The following REXO5 variants were observed in gnomAD, a reference collection of about 807,000 sequenced individuals.
The protein encoded by REXO5 is RNA exonuclease 5.
A neutral mutation model predicts 88.5 loss-of-function variants in REXO5; 48 were observed. The ratio of observed to expected loss-of-function variants is 0.54; its 90% CI spans 0.43 to 0.69. REXO5 has a LOEUF of 0.69. Among genes scored for constraint, REXO5 ranks in the 30% least tolerant of loss-of-function variants. The probability of loss-of-function intolerance (pLI) is 0.00; values close to 1 mark genes in which losing one functional copy is unlikely to be tolerated. For missense variants in REXO5, 749 were observed against 912.2 expected, an observed-to-expected ratio of 0.82 and a Z score of 2.30; for synonymous variants, 311 against 336.5, an observed-to-expected ratio of 0.92 and a Z score of 0.83.
In REXO5 at chr16:20,827,335, A is replaced by T. The variant is rs373623505; in HGVS notation, c.961-18A>T. 1 of 1,607,926 alleles carries T rather than the reference A, an allele frequency of 6.2e-7. No individual in the cohort carries two copies. The highest frequency in any genetic ancestry group is 1.3e-5 in the African/African-American group (1 of 74,698). ...TTTAGCATAAGACACTACTCATTTTATTCTCTTTCTTCCTCAGATGATACA... is the reference window on the plus strand; with the variant it reads ...TTTAGCATAAGACACTACTCATTTTTTTCTCTTTCTTCCTCAGATGATACA... On this transcript the variant is annotated intron_variant, in intron 9 of 19. Transcript: ENST00000261377.
intron 5 of REXO5, among the ~76,000 whole-genome samples, chr16:20,821,338 G>A (rs2081182022): frequency 6.6e-6 from 1 of 152,158 alleles, no homozygotes; most frequent in Admixed American, 6.5e-5. Flanking sequence ...CCAGGCTGGA[G>A]TGCAGTGGCG....
intron 13 of REXO5, among the ~76,000 whole-genome samples, chr16:20,835,137 C>T (rs2081406526): frequency 6.6e-6 from 1 of 151,198 alleles, no homozygotes; most frequent in South Asian, 2.1e-4. Context: ...TTTGGATCTT[C>T]TTTCTTTCTT....
intron 15 of REXO5, among the ~76,000 whole-genome samples, chr16:20,842,399 A>G (rs989015034): frequency 1.3e-5 from 2 of 151,620 alleles, no homozygotes; most frequent in African/African-American, 4.8e-5. Flanking sequence ...ATAATATTCC[A>G]TTTCATGTAT....
At chr16:20,849,043 A>C (rs1475359358) in intron 19 of REXO5, among the ~76,000 whole-genome samples, 1 of 152,272 alleles carries the variant, frequency 6.6e-6, no homozygotes, top group Non-Finnish European at 1.5e-5. Context: ...TTTGAGGATT[A>C]AATGAGACAA....
intron 13 of REXO5, among the ~76,000 whole-genome samples, chr16:20,837,820 G>A (rs2081457909): frequency 6.6e-6 from 1 of 152,098 alleles, no homozygotes. Flanking sequence ...AGGCTGGAGT[G>A]CAGTGGCGTG....
intron 2 of REXO5, chr16:20,808,698 G>A (rs1009062992): frequency 1.3e-5 from 2 of 148,872 alleles, no homozygotes; most frequent in Non-Finnish European, 3.0e-5. Flanking sequence ...TGCCTCCCAG[G>A]TTGAAGTGAT....
chr16:20,826,000 A>T (rs753314689), intron 8 of REXO5, 52 bp downstream of exon 8: 37 of 1,182,264 alleles, frequency 3.1e-5, no homozygotes, highest in Admixed American at 5.9e-5. Flanking sequence ...GCTAGAATGG[A>T]ATAATACTTA....
At chr16:20,826,755 G>A (rs1039773827) in intron 8 of REXO5, among the ~76,000 whole-genome samples, 5 of 152,128 alleles carry the variant, frequency 3.3e-5, no homozygotes, top group African/African-American at 1.2e-4. Context: ...ATGTGTTTAT[G>A]ACATATTATA....
chr16:20,820,512 T>A (rs1191993241), intron 5 of REXO5, among the ~76,000 whole-genome samples: 1 of 45,700 alleles, frequency 2.2e-5, no homozygotes, highest in African/African-American at 9.9e-5. Flanking sequence ...TTCTCTCTCT[T>A]TATATATATA....
At chr16:20,840,934 T>C (rs1197406547) in intron 15 of REXO5, among the ~76,000 whole-genome samples, 1 of 152,204 alleles carries the variant, frequency 6.6e-6, no homozygotes, top group African/African-American at 2.4e-5. Context: ...CTTATGATTG[T>C]ACCTCAGCTT....
intron 15 of REXO5, among the ~76,000 whole-genome samples, chr16:20,843,023 T>C (rs562435366): frequency 2.6e-5 from 4 of 152,350 alleles, no homozygotes; most frequent in African/African-American, 9.6e-5. Context: ...TTTTATTTAA[T>C]AGTAGCCATC....
chr16:20,841,651 C>T (rs1357494567), intron 15 of REXO5, among the ~76,000 whole-genome samples: 2 of 152,152 alleles, frequency 1.3e-5, no homozygotes, highest in African/African-American at 4.8e-5. Context: ...GAGGCCCAGG[C>T]TGCAGTGCAG....
chr16:20,813,391 C>CCAGAG, intron 3 of REXO5, 89 bp downstream of exon 3: 1 of 762,208 alleles, frequency 1.3e-6, no homozygotes, highest in Non-Finnish European at 2.1e-6. Context: ...ATCATTCAAA[C>CCAGAG]CAGAGGTTTC....
chr16:20,837,665 A>T (rs190064764), intron 13 of REXO5, among the ~76,000 whole-genome samples: 46 of 151,286 alleles, frequency 3.0e-4, no homozygotes, highest in African/African-American at 9.9e-4. Flanking sequence ...TTCAGTTTAG[A>T]CCGTAATGTT....
chr16:20,828,594 A>T (rs1397830035), intron 11 of REXO5, 57 bp downstream of exon 11: 1 of 1,180,142 alleles, frequency 8.5e-7, no homozygotes, highest in East Asian at 2.4e-5. Flanking sequence ...ACTAGATCAG[A>T]TTATCACAGA....
chr16:20,848,325 T>A (rs2081642447), intron 19 of REXO5, among the ~76,000 whole-genome samples: 1 of 152,224 alleles, frequency 6.6e-6, no homozygotes, highest in Non-Finnish European at 1.5e-5. Flanking sequence ...ACATTTTTGG[T>A]AGCTTCTTAA....
At chr16:20,825,007 CA>C (rs11357501) in intron 7 of REXO5, among the ~76,000 whole-genome samples, 2,190 of 142,098 alleles carry the variant, frequency 0.015, 50 homozygotes, top group East Asian at 0.056. Flanking sequence ...GACTCGATCT[CA>C]AAAAAAAAAA....
intron 2 of REXO5, 77 bp downstream of exon 2, chr16:20,807,168 G>A: frequency 2.6e-6 from 4 of 1,511,252 alleles, no homozygotes; most frequent in Non-Finnish European, 3.6e-6. Flanking sequence ...GCCGTCGGGG[G>A]CACTGGATTC....
intron 9 of REXO5, 74 bp downstream of exon 9, chr16:20,827,270 G>T: frequency 6.2e-7 from 1 of 1,605,962 alleles, no homozygotes; most frequent in Non-Finnish European, 8.5e-7. Context: ...TAAAGTCTTG[G>T]GCTCTTCTCT....
Sources: allele counts gnomAD v4.1 joint callset (sites outside exome capture counted in the v4.1 genomes callset), GRCh38; gene constraint gnomAD v4.1.1; transcripts MANE v1.5; gene names NCBI Gene and HGNC (gene_info 2026-07-23, HGNC 2026-07-21).